WDPCP: variants seen among roughly 807,000 people sequenced by gnomAD.
WDPCP encodes the protein WD repeat containing planar cell polarity effector, also known as WD repeat-containing and planar cell polarity effector protein fritz homolog.
In WDPCP, 71 loss-of-function variants were observed where a neutral mutation model predicts 93.1. The ratio of observed to expected loss-of-function variants is 0.76; its 90% CI spans 0.63 to 0.93. The LOEUF is 0.93. Ranked by LOEUF, WDPCP falls within the 40% of genes least tolerant of loss-of-function variation. The pLI is 0.00. For missense variants in WDPCP, 844 were observed against 887.4 expected (o/e 0.95, Z 0.62); for synonymous variants, 315 against 315.0 (o/e 1.00, Z 0.00).
intron 2 of WDPCP, among the ~76,000 whole-genome samples, chr2:63,699,696 ACATAGAGGTATCC>A (rs1669016256): frequency 1.3e-5 from 2 of 152,356 alleles, no homozygotes; most frequent in Admixed American, 6.5e-5. Flanking sequence ...TCGTTTTCTA[ACATAGAGGTATCC>A]CATAGCCAGG....
At chr2:63,277,022 A>G (rs1683139299) in intron 13 of WDPCP, among the ~76,000 whole-genome samples, 1 of 152,202 alleles carries the variant, frequency 6.6e-6, no homozygotes, top group African/African-American at 2.4e-5. Context: ...AGAGTAACGC[A>G]TATTTCTCAG....
chr2:63,322,951 C>CA (rs959163159), intron 12 of WDPCP, among the ~76,000 whole-genome samples: 12 of 152,240 alleles, frequency 7.9e-5, no homozygotes, highest in African/African-American at 2.7e-4. Context: ...ACTAAAGACA[C>CA]AGGTGTCAGG....
intron 13 of WDPCP, among the ~76,000 whole-genome samples, chr2:63,298,232 G>A (rs947919555): frequency 1.3e-5 from 2 of 152,148 alleles, no homozygotes; most frequent in African/African-American, 4.8e-5. Flanking sequence ...TGTGGAGAGA[G>A]TTATACTGCC....
intron 2 of WDPCP, among the ~76,000 whole-genome samples, chr2:63,782,767 T>TGTGTGTGTGTGC (rs1670413997): frequency 6.6e-6 from 1 of 151,542 alleles, no homozygotes; most frequent in Non-Finnish European, 1.5e-5. Flanking sequence ...TGTGTGTGTG[T>TGTGTGTGTGTGC]GTGTGTGTGT....
chr2:63,163,448 A>C (rs2103912269), intron 15 of WDPCP, among the ~76,000 whole-genome samples: 1 of 152,338 alleles, frequency 6.6e-6, no homozygotes, highest in Non-Finnish European at 1.5e-5. Flanking sequence ...CCTGGTGGGC[A>C]CAATATGAAC....
rs548713597 is a variant in WDPCP at position 63,357,160 on chromosome 2, A to G, written c.1748+21226T>C. On this transcript the variant is annotated intron_variant, in intron 12 of 17. Transcript: ENST00000272321. ...AGACTTAAATGTAAAACCTAAAACTATAAAAACCATGGAAGACAACCTAGG... is the reference window on the plus strand; with the variant it reads ...AGACTTAAATGTAAAACCTAAAACTGTAAAAACCATGGAAGACAACCTAGG... 2.0e-4 allele frequency among the ~76,000 whole-genome samples: 30 copies of G among 152,344 alleles called. No individual in the cohort carries two copies. The South Asian group carries it at 3.1e-3, about 16-fold the overall frequency.
chr2:63,219,596 G>A (rs982519883), intron 14 of WDPCP, among the ~76,000 whole-genome samples: 10 of 152,004 alleles, frequency 6.6e-5, no homozygotes, highest in African/African-American at 2.4e-4. Context: ...TTAAAACTTT[G>A]GTTATTTATC....
chr2:63,204,561 G>A (rs201356238), intron 14 of WDPCP, among the ~76,000 whole-genome samples: 2 of 151,842 alleles, frequency 1.3e-5, no homozygotes, highest in Non-Finnish European at 2.9e-5. Flanking sequence ...AGGCTGGTCT[G>A]AAACTCCTGA....
chr2:63,663,749 T>A (rs1019890211), intron 2 of WDPCP, among the ~76,000 whole-genome samples: 1 of 152,186 alleles, frequency 6.6e-6, no homozygotes, highest in Non-Finnish European at 1.5e-5. Flanking sequence ...ATTAATTGGA[T>A]GTTGTAATGT....
intron 12 of WDPCP, among the ~76,000 whole-genome samples, chr2:63,343,784 G>A (rs1016123489): frequency 4.6e-5 from 7 of 151,996 alleles, no homozygotes; most frequent in Non-Finnish European, 1.0e-4. Flanking sequence ...CTTCTGCCAG[G>A]TCAAACTTGA....
At chr2:63,672,449 A>C (rs939794377) in intron 2 of WDPCP, among the ~76,000 whole-genome samples, 1 of 152,208 alleles carries the variant, frequency 6.6e-6, no homozygotes, top group African/African-American at 2.4e-5. Flanking sequence ...ATTTGCATAG[A>C]AAACATGCAA....
intron 13 of WDPCP, among the ~76,000 whole-genome samples, chr2:63,300,262 C>T (rs1246715225): frequency 2.0e-5 from 3 of 152,130 alleles, no homozygotes; most frequent in Non-Finnish European, 4.4e-5. Context: ...TGGTGCATGA[C>T]AATGAACCCC....
intron 14 of WDPCP, chr2:63,229,691 A>T (rs953117309): frequency 2.0e-5 from 3 of 151,968 alleles, no homozygotes; most frequent in African/African-American, 7.2e-5. Context: ...TAAATAGGGA[A>T]TCCTTTCCCC....
intron 1 of WDPCP, among the ~76,000 whole-genome samples, chr2:63,522,451 G>GACACACACAC (rs1342647114): frequency 4.0e-4 from 37 of 92,064 alleles, no homozygotes; most frequent in East Asian, 2.8e-3. Context: ...CAGACAGACA[G>GACACACACAC]ACAGACACAC....
chr2:63,356,223 C>A (rs1463112610), intron 12 of WDPCP, among the ~76,000 whole-genome samples: 1 of 152,122 alleles, frequency 6.6e-6, no homozygotes. Flanking sequence ...CACAAGAAGA[C>A]CTAACTATCC....
chr2:63,477,574 C>A (rs764061093), intron 6 of WDPCP, among the ~76,000 whole-genome samples: 1 of 152,084 alleles, frequency 6.6e-6, no homozygotes, highest in South Asian at 2.1e-4. Flanking sequence ...CAGAGCAGCA[C>A]GTGGGGACAC....
chr2:63,607,037 G>C, intron 3 of WDPCP: 1 of 1,544,986 alleles, frequency 6.5e-7, no homozygotes, highest in Non-Finnish European at 8.8e-7. Context: ...TCTAAATGTC[G>C]TCTTTGACTC....
At chr2:63,219,334 A>G (rs1439041801) in intron 14 of WDPCP, among the ~76,000 whole-genome samples, 1 of 152,198 alleles carries the variant, frequency 6.6e-6, no homozygotes, top group Non-Finnish European at 1.5e-5. Context: ...TCCCTCATAC[A>G]TACTTCCGGC....
chr2:63,353,353 C>T (rs1689773359), intron 12 of WDPCP, among the ~76,000 whole-genome samples: 1 of 152,150 alleles, frequency 6.6e-6, no homozygotes, highest in Non-Finnish European at 1.5e-5. Flanking sequence ...AGGAAAGAGG[C>T]TGAATCCAAG....
Sources: allele counts gnomAD v4.1 joint callset (sites outside exome capture counted in the v4.1 genomes callset), GRCh38; gene constraint gnomAD v4.1.1; transcripts MANE v1.5; gene names NCBI Gene and HGNC (gene_info 2026-07-23, HGNC 2026-07-21).